PHC2: variants seen among roughly 807,000 people sequenced by gnomAD.
The protein encoded by PHC2 is polyhomeotic homolog 2.
In PHC2, 29 loss-of-function variants were observed where a neutral mutation model predicts 87.4. The ratio of observed to expected loss-of-function variants is 0.33; its 90% CI spans 0.25 to 0.45. PHC2 has a LOEUF of 0.45. Among genes scored for constraint, PHC2 ranks in the 20% least tolerant of loss-of-function variants. The pLI is 1.00. For synonymous variants in PHC2, 438 were observed against 461.7 expected, an observed-to-expected ratio of 0.95 and a Z score of 0.66; for missense variants, 857 against 1,136.7, an observed-to-expected ratio of 0.75 and a Z score of 3.54.
rs1259016849 is a variant in PHC2 at position 33,351,318 on chromosome 1, CATT to C, written c.1558+3080_1558+3082del. Among the ~76,000 whole-genome samples the C allele has an allele frequency of 5.9e-5, 9 of 152,236 alleles. No homozygotes were observed. In the East Asian group the frequency reaches 1.5e-3, roughly 26 times the overall value. ...AAAAAAAAATTTAAAATGTAGAAAT[CATT>C]ATTAGCTTGCGAGCTGTACGAACAC... On this transcript the variant is annotated intron_variant, in intron 9 of 14. Coordinates refer to ENST00000683057, the MANE Select transcript of PHC2 (RefSeq NM_001385109.1).
chr1:33,344,441 C>A (rs1195102304), intron 9 of PHC2, among the ~76,000 whole-genome samples: 9 of 152,154 alleles, frequency 5.9e-5, no homozygotes, highest in African/African-American at 1.9e-4. Flanking sequence ...ACATACCTTG[C>A]AAATCAGTTC....
At chr1:33,400,388 A>G (rs1462976781) in intron 1 of PHC2, among the ~76,000 whole-genome samples, 1 of 152,264 alleles carries the variant, frequency 6.6e-6, no homozygotes, top group Non-Finnish European at 1.5e-5. Flanking sequence ...TCAAGTATTT[A>G]TCAGTAGCGC....
At chr1:33,376,226 G>C (rs111610005) in intron 1 of PHC2, among the ~76,000 whole-genome samples, 15,551 of 152,218 alleles carry the variant, frequency 0.1, 1,057 homozygotes, top group East Asian at 0.28. Context: ...GTAGAGACAG[G>C]GTTTCGCCAT....
chr1:33,349,390 G>T lies in PHC2; in HGVS notation c.1558+5011C>A, dbSNP rs927566002. On this transcript the variant is annotated intron_variant, in intron 9 of 14. Coordinates refer to ENST00000683057, the MANE Select transcript of PHC2 (RefSeq NM_001385109.1). This position sits in a 1 kb window ranked among gnomAD's most constrained non-coding sequence, Gnocchi z 4.2. Reference sequence around the variant, plus strand: ...AGGTGACACGGCTTCCAGGGGCGACGGGCGCGCAGGGTCCCCAGGCGAGCG... The same window carrying T: ...AGGTGACACGGCTTCCAGGGGCGACTGGCGCGCAGGGTCCCCAGGCGAGCG... 3.0e-5 allele frequency: 30 copies of T among 985,268 alleles called. No homozygotes were observed. The highest frequency in any genetic ancestry group is 3.6e-5 in the Non-Finnish European group (30 of 829,948). 61.0% of individuals were successfully genotyped at this position (985,268 alleles called of 1,614,324 possible).
chr1:33,404,031 T>C (rs1322657483), intron 1 of PHC2, among the ~76,000 whole-genome samples: 1 of 152,196 alleles, frequency 6.6e-6, no homozygotes, highest in East Asian at 1.9e-4. Flanking sequence ...CATCCATACA[T>C]CAAAGATTTA....
rs572178663 is a variant in PHC2 at position 33,382,794 on chromosome 1, G to C, written c.-54-7201C>G. Among the ~76,000 whole-genome samples, 1 of 152,210 alleles carries C rather than the reference G, an allele frequency of 6.6e-6. No individual in the cohort carries two copies. The highest frequency in any genetic ancestry group is 2.4e-5 in the African/African-American group (1 of 41,452). Reference sequence around the variant, plus strand: ...CCCTCCCAGGAGCCGCCAAGTCTACGAAACACTAGGCCTTTGTCCCCAGTG... The same window carrying C: ...CCCTCCCAGGAGCCGCCAAGTCTACCAAACACTAGGCCTTTGTCCCCAGTG... On this transcript the variant is annotated intron_variant, in intron 1 of 14. Coordinates refer to ENST00000683057, the MANE Select transcript of PHC2 (RefSeq NM_001385109.1). The surrounding 1 kb of genome is among the most constrained non-coding windows in gnomAD (Gnocchi z 4.3).
At chr1:33,406,848 T>C (rs1649783646) in intron 1 of PHC2, among the ~76,000 whole-genome samples, 2 of 150,386 alleles carry the variant, frequency 1.3e-5, no homozygotes, top group Non-Finnish European at 2.9e-5. Context: ...TACCATCTCT[T>C]CCAATATCCT....
chr1:33,352,373 C>A (rs183493354), intron 9 of PHC2, among the ~76,000 whole-genome samples: 59 of 152,230 alleles, frequency 3.9e-4, no homozygotes, highest in African/African-American at 1.3e-3. Flanking sequence ...TCCTGCCCCA[C>A]CACTTGTTTT....
intron 9 of PHC2, among the ~76,000 whole-genome samples, chr1:33,336,346 A>G (rs946378843): frequency 6.6e-6 from 1 of 152,154 alleles, no homozygotes; most frequent in Admixed American, 6.5e-5. Context: ...TAAACCTTTA[A>G]TGAACAAGAG....
At chr1:33,335,471 G>T in intron 9 of PHC2, 2 of 297,766 alleles carry the variant, frequency 6.7e-6, no homozygotes, top group Non-Finnish European at 9.9e-6. Flanking sequence ...CAGCACACTT[G>T]TTAAGTAATC....
chr1:33,332,490 A>T lies in PHC2; in HGVS notation c.1762-86T>A, dbSNP rs113525648. 1 of 1,507,620 alleles carries T rather than the reference A, an allele frequency of 6.6e-7. No homozygotes were observed. The highest frequency in any genetic ancestry group is 2.3e-5 in the East Asian group (1 of 44,142). 93.4% of individuals were successfully genotyped at this position (1,507,620 alleles called of 1,614,324 possible). ...ATCCTCATCACAATTACACGTATAAAGTATCCAGGCACAGAGGCCAGCCCT... is the reference window on the plus strand; with the variant it reads ...ATCCTCATCACAATTACACGTATAATGTATCCAGGCACAGAGGCCAGCCCT... On this transcript the variant is annotated intron_variant, in intron 10 of 14. Coordinates refer to ENST00000683057, the MANE Select transcript of PHC2 (RefSeq NM_001385109.1). The surrounding 1 kb of genome is among the most constrained non-coding windows in gnomAD (Gnocchi z 4.2).
In PHC2 at chr1:33,364,390, TCACACACACACA is replaced by T. The variant is rs34468965; in HGVS notation, c.976+2714_976+2725del. On this transcript the variant is annotated intron_variant, in intron 7 of 14. Coordinates refer to ENST00000683057, the MANE Select transcript of PHC2 (RefSeq NM_001385109.1). This position sits in a 1 kb window ranked among gnomAD's most constrained non-coding sequence, Gnocchi z 4.1. ...CACACACACACACACACACTTGCTTTCACACACACACACACACACACACACACACACACACGC... is the reference window on the plus strand; with the variant it reads ...CACACACACACACACACACTTGCTTTCACACACACACACACACACACACGC... Among the ~76,000 whole-genome samples the T allele has an allele frequency of 6.2e-3, 658 of 106,784 alleles. 4 individuals are homozygous for T. Among genetic ancestry groups the T allele is most frequent in the Non-Finnish European group, 8.1e-3 (439 of 54,104 alleles). 70.1% of individuals were successfully genotyped at this position (106,784 alleles called of 152,430 possible).
chr1:33,369,476 C>T lies in PHC2; in HGVS notation c.577-854G>A, dbSNP rs1278270427. ...AGACACAGTCAGCTTTGGGCAGCAGCATCACAGTGTGGCTGTCCAGTTCCC... is the reference window on the plus strand; with the variant it reads ...AGACACAGTCAGCTTTGGGCAGCAGTATCACAGTGTGGCTGTCCAGTTCCC... On this transcript the variant is annotated intron_variant, in intron 5 of 14. Coordinates refer to ENST00000683057, the MANE Select transcript of PHC2 (RefSeq NM_001385109.1). This position sits in a 1 kb window ranked among gnomAD's most constrained non-coding sequence, Gnocchi z 4.7. Among the ~76,000 whole-genome samples, 2 of 152,188 alleles carry T rather than the reference C, an allele frequency of 1.3e-5. No individual in the cohort carries two copies. The highest frequency in any genetic ancestry group is 4.8e-5 in the African/African-American group (2 of 41,430).
At chr1:33,351,674 C>T (rs533686895) in intron 9 of PHC2, among the ~76,000 whole-genome samples, 20 of 152,218 alleles carry the variant, frequency 1.3e-4, no homozygotes, top group Middle Eastern at 3.4e-3. Context: ...CAGAATGGGC[C>T]GGGCGCAGTG....
At chr1:33,341,887 C>T (rs1646752616) in intron 9 of PHC2, among the ~76,000 whole-genome samples, 1 of 152,226 alleles carries the variant, frequency 6.6e-6, no homozygotes, top group African/African-American at 2.4e-5. Context: ...GGGGAACATC[C>T]AATGTCTGCA....
intron 1 of PHC2, among the ~76,000 whole-genome samples, chr1:33,380,139 C>T (rs1419367997): frequency 1.3e-5 from 2 of 152,214 alleles, no homozygotes; most frequent in African/African-American, 4.8e-5. Context: ...ACTCTCTTGA[C>T]TGCTCTCTCT....
At chr1:33,393,082 T>TA (rs1649139648) in intron 1 of PHC2, among the ~76,000 whole-genome samples, 2 of 152,124 alleles carry the variant, frequency 1.3e-5, no homozygotes, top group African/African-American at 4.8e-5. Context: ...GCATGAGAGT[T>TA]CCACAGACAG....
chr1:33,330,032 A>G (rs1557816478), intron 13 of PHC2, 39 bp downstream of exon 13: 1 of 1,606,572 alleles, frequency 6.2e-7, no homozygotes, highest in African/African-American at 1.3e-5. Context: ...AGCTGTGGGG[A>G]CTGTGGGGAT....
intron 1 of PHC2, among the ~76,000 whole-genome samples, chr1:33,400,872 C>T (rs1272630298): frequency 2.0e-5 from 3 of 152,072 alleles, no homozygotes; most frequent in Non-Finnish European, 4.4e-5. Context: ...CAGATAGCTG[C>T]CCTTTGTGTT....
Sources: gnomAD v4.1 joint callset for allele counts (sites outside exome capture counted in the v4.1 genomes callset) on GRCh38, gnomAD v4.1.1 for gene constraint, Gnocchi (gnomAD v3.1) non-coding constraint, MANE v1.5 for transcripts, NCBI Gene and HGNC (gene_info 2026-07-23, HGNC 2026-07-21) for gene names.